Variants in GRIP2 observed in about 807,000 individuals in gnomAD.
GRIP2 encodes the protein glutamate receptor-interacting protein 2.
A neutral mutation model predicts 108.3 loss-of-function variants in GRIP2; 58 were observed. The observed-to-expected ratio is 0.54, with a 90% CI of 0.43 to 0.67. The LOEUF (loss-of-function observed/expected upper bound fraction) is 0.67, where lower values mean the gene tolerates loss of function less well. Among genes scored for constraint, GRIP2 ranks in the 30% least tolerant of loss-of-function variants. The pLI, the probability that GRIP2 is intolerant of heterozygous loss-of-function variation, is 0.00. For missense variants in GRIP2, 1,278 were observed against 1,430.6 expected (o/e 0.89, Z 1.72); for synonymous variants, 586 against 598.2 (o/e 0.98, Z 0.30).
At chr3:14,531,083 G>C (rs547679165) in intron 1 of GRIP2, 1 of 152,156 alleles carries the variant, frequency 6.6e-6, no homozygotes, top group Non-Finnish European at 1.5e-5. Flanking sequence ...CTGCCTAAGC[G>C]AGTACGTATT....
intron 9 of GRIP2, among the ~76,000 whole-genome samples, chr3:14,519,223 A>G (rs566947192): frequency 1.3e-5 from 2 of 152,210 alleles, no homozygotes; most frequent in Non-Finnish European, 2.9e-5. Flanking sequence ...GGCAGAGACC[A>G]TAGAGATGGA....
At chr3:14,587,394 G>T in the GRIP2 span, among the ~76,000 whole-genome samples, 5 of 152,128 alleles carry the variant, frequency 3.3e-5, no homozygotes, top group Non-Finnish European at 5.9e-5. Context: ...TCTCTTTTAG[G>T]CTGAGGTGTG....
At chr3:14,553,657 A>G (rs1695188388) in intron 1 of GRIP2, among the ~76,000 whole-genome samples, 1 of 152,226 alleles carries the variant, frequency 6.6e-6, no homozygotes, top group South Asian at 2.1e-4. Context: ...GGCCTTACCC[A>G]GAAAAGATGA....
chr3:14,593,970 C>T, the GRIP2 span, among the ~76,000 whole-genome samples: 1 of 152,198 alleles, frequency 6.6e-6, no homozygotes, highest in Non-Finnish European at 1.5e-5. Context: ...CTTCTCAAAG[C>T]CCCCAGCCCA....
At chr3:14,563,152 G>A in the GRIP2 span, among the ~76,000 whole-genome samples, 322 of 152,216 alleles carry the variant, frequency 2.1e-3, 6 homozygotes, top group East Asian at 0.015. Context: ...AGACAACCAG[G>A]GAAAATTGCA....
Position 14,540,156 on chromosome 3 carries a change from G to T in GRIP2, c.40+113C>A. 1 of 1,343,958 alleles carries T rather than the reference G, an allele frequency of 7.4e-7. No homozygotes were observed. Among genetic ancestry groups the T allele is most frequent in the East Asian group, 2.5e-5 (1 of 40,148 alleles). The allele number at this position is 1,343,958 out of a possible 1,614,324, so 83.3% of individuals were successfully genotyped here. ...ACCCTCCCCAAGCCCTGGGTCTCCA[G>T]GGAGTGGCAGTCCCAGGTCTCAGCC... On this transcript the variant is annotated intron_variant, in intron 1 of 23. Coordinates refer to ENST00000621039, the MANE Select transcript of GRIP2 (RefSeq NM_001080423.4). The surrounding 1 kb of genome is among the most constrained non-coding windows in gnomAD (Gnocchi z 4.1).
intron 8 of GRIP2, 41 bp downstream of exon 8, chr3:14,520,347 CTG>C: frequency 6.2e-7 from 1 of 1,610,858 alleles, no homozygotes; most frequent in South Asian, 1.1e-5. Flanking sequence ...CGCCTCTCCC[CTG>C]CACACACCTC....
At chr3:14,574,986 A>G in the GRIP2 span, among the ~76,000 whole-genome samples, 2 of 152,216 alleles carry the variant, frequency 1.3e-5, no homozygotes, top group Admixed American at 1.3e-4. Flanking sequence ...AGGTGATAAC[A>G]CCATAAAGAA....
In GRIP2 at chr3:14,509,964, T is replaced by C; in HGVS notation, c.1934A>G (p.Asp645Gly). The change falls in exon 17 of 24, where the codon GAT (aspartate) becomes GGT (glycine). Residue 645 changes from aspartate to glycine, a missense_variant and splice_region_variant. Asp to Gly is a moderately conservative substitution (Grantham distance 94, BLOSUM62 -1). Transcript: ENST00000621039. ...GACGGCACCTGTGGTCTCCAGCTCATCTGCAAGCACGGGGACCCATGAGGA... is the reference window on the plus strand; with the variant it reads ...GACGGCACCTGTGGTCTCCAGCTCACCTGCAAGCACGGGGACCCATGAGGA... Reference protein sequence around the residue: ...LKIRKDEDNSDELETTGAVSY... With the variant: ...LKIRKDEDNSGELETTGAVSY... 3.3e-6 allele frequency: 5 copies of C among 1,499,792 alleles called. No homozygotes were observed. In the South Asian group the frequency reaches 5.5e-5, roughly 16 times the overall value. The allele number at this position is 1,499,792 out of a possible 1,614,324, so 92.9% of individuals were successfully genotyped here.
chr3:14,556,808 G>A (rs1424668819), upstream of GRIP2, among the ~76,000 whole-genome samples: 1 of 152,240 alleles, frequency 6.6e-6, no homozygotes, highest in Non-Finnish European at 1.5e-5. Context: ...GAGTTTGGCA[G>A]GGCAGTGTTG....
chr3:14,500,924 T>A (rs1693747803), intron 21 of GRIP2, among the ~76,000 whole-genome samples: 1 of 152,210 alleles, frequency 6.6e-6, no homozygotes, highest in Admixed American at 6.5e-5. Flanking sequence ...ATAGTGCCTA[T>A]CTTATTCAAG....
At chr3:14,573,976 G>T in the GRIP2 span, 1 of 1,091,594 alleles carries the variant, frequency 9.2e-7, no homozygotes, top group Non-Finnish European at 1.4e-6. Flanking sequence ...TGCGGATCCT[G>T]GCATATGCAA....
chr3:14,557,486 C>A (rs1695256788), upstream of GRIP2, among the ~76,000 whole-genome samples: 1 of 152,250 alleles, frequency 6.6e-6, no homozygotes, highest in Non-Finnish European at 1.5e-5. Flanking sequence ...CAGGGAGGCT[C>A]TGTTGGGGCA....
At chr3:14,542,356 T>C (rs1694990575), upstream of GRIP2, among the ~76,000 whole-genome samples, 1 of 152,086 alleles carries the variant, frequency 6.6e-6, no homozygotes, top group Non-Finnish European at 1.5e-5. Context: ...GTTTTCACCA[T>C]GTTGCCCAGG....
At chr3:14,559,035 G>C (rs1354988698), upstream of GRIP2, among the ~76,000 whole-genome samples, 1 of 152,180 alleles carries the variant, frequency 6.6e-6, no homozygotes, top group African/African-American at 2.4e-5. Context: ...GCAATCTCAG[G>C]AGTGTTTAAT....
chr3:14,514,497 C>T lies in GRIP2; in HGVS notation c.1307-19G>A. Reference sequence around the variant, plus strand: ...AGCGACACTGTAGGACAGGTGGGCCCAGCATTCAGGTGAGCCGCCCCACGG... The same window carrying T: ...AGCGACACTGTAGGACAGGTGGGCCTAGCATTCAGGTGAGCCGCCCCACGG... On this transcript the variant is annotated intron_variant, in intron 11 of 23. Transcript: ENST00000621039. The T allele has an allele frequency of 6.5e-7, 1 of 1,530,004 alleles. No homozygotes were observed. The highest frequency in any genetic ancestry group is 8.8e-7 in the Non-Finnish European group (1 of 1,133,574). The allele number at this position is 1,530,004 out of a possible 1,614,324, so 94.8% of individuals were successfully genotyped here.
At chr3:14,591,951 T>C in the GRIP2 span, among the ~76,000 whole-genome samples, 1 of 152,228 alleles carries the variant, frequency 6.6e-6, no homozygotes, top group East Asian at 1.9e-4. Flanking sequence ...TCCACATCTG[T>C]CTGCTCTGTT....
chr3:14,599,393 T>G, the GRIP2 span, among the ~76,000 whole-genome samples: 1 of 152,160 alleles, frequency 6.6e-6, no homozygotes, highest in Non-Finnish European at 1.5e-5. Flanking sequence ...CCTTCTCAAC[T>G]GGGTCGCAGC....
At chr3:14,580,991 A>C in the GRIP2 span, among the ~76,000 whole-genome samples, 282 of 140,286 alleles carry the variant, frequency 2.0e-3, no homozygotes, top group Non-Finnish European at 3.4e-3. Context: ...GCTGCCCTGC[A>C]GATTACTGAC....
Sources: allele counts gnomAD v4.1 joint callset (sites outside exome capture counted in the v4.1 genomes callset), GRCh38; gene constraint gnomAD v4.1.1; non-coding constraint Gnocchi (gnomAD v3.1); transcripts MANE v1.5; gene names NCBI Gene and HGNC (gene_info 2026-07-23, HGNC 2026-07-21).